The following SPAG9 variants were observed in gnomAD, a reference collection of about 807,000 sequenced individuals.
SPAG9 encodes the protein sperm associated antigen 9.
Under a neutral mutation model 166.5 loss-of-function variants are expected in SPAG9, and 35 were observed. That is an observed-to-expected ratio of 0.21 (90% CI 0.16 to 0.28). The LOEUF is 0.28. Among genes scored for constraint, SPAG9 ranks in the 10% least tolerant of loss-of-function variants. The pLI, the probability that SPAG9 is intolerant of heterozygous loss-of-function variation, is 1.00. For missense variants in SPAG9, 1,235 were observed against 1,603.3 expected (o/e 0.77, Z 3.92); for synonymous variants, 534 against 565.5 (o/e 0.94, Z 0.79).
At chr17:51,020,619 G>A (rs543917354) in intron 7 of SPAG9, among the ~76,000 whole-genome samples, 1 of 152,270 alleles carries the variant, frequency 6.6e-6, no homozygotes, top group South Asian at 2.1e-4. Context: ...TGGGTTCTGT[G>A]ACCTCCTGGC....
At chr17:51,103,264 T>C (rs1310577627) in intron 1 of SPAG9, among the ~76,000 whole-genome samples, 1 of 152,174 alleles carries the variant, frequency 6.6e-6, no homozygotes, top group East Asian at 1.9e-4. Context: ...AATTATCTAC[T>C]GCATCCTAGT....
rs936338292 is a variant in SPAG9, at chr17:51,120,281, G to A, written c.303+73C>T. On this transcript the variant is annotated intron_variant, in intron 1 of 29. Transcript: ENST00000262013. The surrounding 1 kb of genome is among the most constrained non-coding windows in gnomAD (Gnocchi z 4.7). ...GAGGCCCGTCGCGCCTCTAGTCCCC[G>A]ACCGGGCCGCGACCCCGCCCCGGCC... The A allele has an allele frequency of 1.9e-5, 24 of 1,261,792 alleles. No homozygotes were observed. The African/African-American group carries it at 5.5e-4, about 29-fold the overall frequency. The allele number at this position is 1,261,792 out of a possible 1,614,324, so 78.2% of individuals were successfully genotyped here. A position where few individuals can be genotyped will look rare whatever the true frequency, so the allele number is the denominator to read the frequency against.
intron 25 of SPAG9, among the ~76,000 whole-genome samples, chr17:50,980,599 G>A (rs1487122127): frequency 6.6e-6 from 1 of 151,590 alleles, no homozygotes; most frequent in African/African-American, 2.4e-5. Context: ...GGGCGCTGGT[G>A]GCTCACACCT....
At chr17:51,110,188 T>C (rs2049066570) in intron 1 of SPAG9, among the ~76,000 whole-genome samples, 1 of 152,204 alleles carries the variant, frequency 6.6e-6, no homozygotes, top group Non-Finnish European at 1.5e-5. Context: ...AGCAATTAAA[T>C]ATGTGTATGT....
At chr17:51,029,390 A>G (rs189016289) in intron 6 of SPAG9, among the ~76,000 whole-genome samples, 1 of 152,334 alleles carries the variant, frequency 6.6e-6, no homozygotes. Flanking sequence ...ACCACTCTGG[A>G]AAACAGTATG....
intron 1 of SPAG9, among the ~76,000 whole-genome samples, chr17:51,093,607 A>C (rs1040288417): frequency 1.4e-5 from 2 of 145,512 alleles, no homozygotes; most frequent in Admixed American, 1.4e-4. Flanking sequence ...AGGCAGGAGA[A>C]TGGCGTGAAC....
chr17:51,060,504 T>TA (rs1702241688), intron 2 of SPAG9, among the ~76,000 whole-genome samples: 2 of 138,042 alleles, frequency 1.4e-5, no homozygotes, highest in Admixed American at 1.4e-4. Context: ...CTTTGTCTTT[T>TA]TAAAAAAAAA....
At chr17:51,038,965 C>G (rs1380483982) in intron 5 of SPAG9, among the ~76,000 whole-genome samples, 3 of 152,066 alleles carry the variant, frequency 2.0e-5, no homozygotes, top group Non-Finnish European at 4.4e-5. Context: ...TATTTACAAC[C>G]TCACTCACCA....
intron 1 of SPAG9, among the ~76,000 whole-genome samples, chr17:51,095,976 T>TATATATATAGTGATATATATATAGTG (rs1568083841): frequency 1.2e-4 from 7 of 58,398 alleles, no homozygotes; most frequent in African/African-American, 1.0e-3. Context: ...TATATAGTGA[T>TATATATATAGTGATATATATATAGTG]ATATATATAT....
intron 6 of SPAG9, among the ~76,000 whole-genome samples, chr17:51,025,789 T>C (rs572817205): frequency 1.3e-5 from 2 of 151,816 alleles, no homozygotes; most frequent in African/African-American, 2.4e-5. Context: ...CTACGAGGAA[T>C]GCTAAAGCAT....
At chr17:50,968,490 G>A (rs1159675957) in intron 29 of SPAG9, among the ~76,000 whole-genome samples, 1 of 152,142 alleles carries the variant, frequency 6.6e-6, no homozygotes, top group Non-Finnish European at 1.5e-5. Flanking sequence ...CAGCACTTTG[G>A]GAGGCTGAGG....
At chr17:51,004,241 G>T (rs148821753) in intron 12 of SPAG9, among the ~76,000 whole-genome samples, 262 of 152,276 alleles carry the variant, frequency 1.7e-3, no homozygotes, top group Non-Finnish European at 2.5e-3. Context: ...TCAATGTCTA[G>T]TAATGTTCTA....
intron 2 of SPAG9, among the ~76,000 whole-genome samples, chr17:51,057,917 T>C (rs2047403758): frequency 6.6e-6 from 1 of 152,340 alleles, no homozygotes; most frequent in Middle Eastern, 3.4e-3. Context: ...TAAAATTTAA[T>C]TCTATGATTT....
intron 2 of SPAG9, among the ~76,000 whole-genome samples, chr17:51,071,449 A>G (rs2047817628): frequency 6.6e-6 from 1 of 152,202 alleles, no homozygotes; most frequent in Non-Finnish European, 1.5e-5. Context: ...AACAGGACGT[A>G]TTATTGCTGC....
chr17:51,028,089 A>T (rs1423924799), intron 6 of SPAG9, among the ~76,000 whole-genome samples: 2 of 151,854 alleles, frequency 1.3e-5, no homozygotes, highest in East Asian at 1.9e-4. Flanking sequence ...AATTTTTTTT[A>T]AATAGATAAA....
intron 6 of SPAG9, among the ~76,000 whole-genome samples, chr17:51,030,147 A>G (rs752868274): frequency 2.0e-5 from 3 of 152,230 alleles, no homozygotes; most frequent in Non-Finnish European, 2.9e-5. Context: ...CAAATGCACC[A>G]TGTGCTTAGT....
Position 50,964,890 on chromosome 17 carries a change from C to G in SPAG9, c.*1382G>C, listed in dbSNP as rs991531901. The G allele has an allele frequency of 1.7e-5, 4 of 232,604 alleles. No individual in the cohort carries two copies. The highest frequency in any genetic ancestry group is 9.5e-5 in the African/African-American group (4 of 42,116). 14.4% of individuals were successfully genotyped at this position (232,604 alleles called of 1,614,324 possible). A position where few individuals can be genotyped will look rare whatever the true frequency, so the allele number is the denominator to read the frequency against. ...ACCTCAGCCTCCCAAGTAGCTGGGA[C>G]TACAGGCATGTGCCACCACACCCGG... is the stretch of plus-strand genomic sequence containing the variant. On this transcript the variant is annotated 3_prime_UTR_variant, in exon 30 of 30. Coordinates refer to ENST00000262013, the MANE Select transcript of SPAG9 (RefSeq NM_001130528.3).
rs145611615 is a variant in SPAG9, at chr17:50,990,283, C to T, written c.2617+167G>A. ...GACCTCGTGATCCACCCGCCTTGGC[C>T]TCCCAGAGTGCTGGGATTACAGGCG... On this transcript the variant is annotated intron_variant, in intron 20 of 29. Transcript: ENST00000262013. 25 of 617,248 alleles carry T rather than the reference C, an allele frequency of 4.1e-5. No individual in the cohort carries two copies. The Admixed American group carries it at 6.8e-4, about 17-fold the overall frequency. The allele number at this position is 617,248 out of a possible 1,614,324, so 38.2% of individuals were successfully genotyped here. A position where few individuals can be genotyped will look rare whatever the true frequency, so the allele number is the denominator to read the frequency against.
intron 1 of SPAG9, among the ~76,000 whole-genome samples, chr17:51,116,293 G>T (rs778806096): frequency 6.6e-6 from 1 of 152,132 alleles, no homozygotes; most frequent in Non-Finnish European, 1.5e-5. Context: ...TGATCCATCT[G>T]CCTCGGCCTC....
Sources: gnomAD v4.1 joint callset for allele counts (sites outside exome capture counted in the v4.1 genomes callset) on GRCh38, gnomAD v4.1.1 for gene constraint, Gnocchi (gnomAD v3.1) non-coding constraint, MANE v1.5 for transcripts, NCBI Gene and HGNC (gene_info 2026-07-23, HGNC 2026-07-21) for gene names.